Variants in HSPA14 observed in about 807,000 individuals in gnomAD.
HSPA14 encodes heat shock 70 kDa protein 14.
HSPA14 carries 37 observed loss-of-function variants against 65.5 expected under a neutral mutation model. That is an observed-to-expected ratio of 0.56 (90% CI 0.43 to 0.74). The LOEUF is 0.74. HSPA14 is among the 30% of genes least tolerant of loss of function. HSPA14 has a pLI of 0.00. For missense variants in HSPA14, 564 were observed against 607.6 expected (o/e 0.93, Z 0.75); for synonymous variants, 203 against 214.2 (o/e 0.95, Z 0.46).
intron 10 of HSPA14, among the ~76,000 whole-genome samples, chr10:14,862,388 T>C (rs1459385555): frequency 6.7e-6 from 1 of 149,038 alleles, no homozygotes; most frequent in Non-Finnish European, 1.5e-5. Context: ...TTTTTTTTTT[T>C]TTTTGAGACG....
chr10:14,846,515 G>T (rs1834055517), intron 3 of HSPA14: 2 of 985,214 alleles, frequency 2.0e-6, no homozygotes, highest in Admixed American at 6.2e-5. Context: ...GGAATACAGG[G>T]AGACAGTGTG....
intron 3 of HSPA14, chr10:14,845,493 G>A (rs964132187): frequency 3.1e-5 from 31 of 985,198 alleles, no homozygotes; most frequent in South Asian, 1.9e-4. Context: ...GGTGTGAGGC[G>A]GCTGGTGTGG....
chr10:14,856,662 G>T (rs192363962), intron 10 of HSPA14, among the ~76,000 whole-genome samples: 4 of 152,196 alleles, frequency 2.6e-5, no homozygotes, highest in Admixed American at 2.6e-4. Context: ...AGGAGTAGAA[G>T]ACTAGCCTTG....
intron 10 of HSPA14, among the ~76,000 whole-genome samples, chr10:14,864,932 T>A (rs1832792105): frequency 6.9e-6 from 1 of 145,052 alleles, no homozygotes; most frequent in Non-Finnish European, 1.5e-5. Flanking sequence ...TAGTTTACAG[T>A]CCCACCAACA....
rs1244198587 is a variant in HSPA14, at chr10:14,867,918, A to T, written c.1380+9A>T. On this transcript the variant is annotated intron_variant, in intron 12 of 13. Coordinates refer to ENST00000378372, the MANE Select transcript of HSPA14 (RefSeq NM_016299.4). ...AAACCAAGTTTGCACAGGTGAATAC[A>T]TAAAGTTAGACACATTAAACTGTTC... is the stretch of plus-strand genomic sequence containing the variant. The T allele has an allele frequency of 6.2e-7, 1 of 1,608,050 alleles. No individual in the cohort carries two copies. Among genetic ancestry groups the T allele is most frequent in the African/African-American group, 1.3e-5 (1 of 74,778 alleles).
chr10:14,852,732 C>G (rs971603782), intron 8 of HSPA14, among the ~76,000 whole-genome samples: 5 of 152,112 alleles, frequency 3.3e-5, no homozygotes, highest in African/African-American at 9.7e-5. Flanking sequence ...CTGCCTAGTG[C>G]AGTGTGCTTG....
At position 14,871,729 on chromosome 10, in the gene HSPA14, A is replaced by G; in HGVS notation, c.*123A>G. 5.8e-6 allele frequency: 3 copies of G among 515,654 alleles called. No homozygotes were observed. In the South Asian group the frequency reaches 9.1e-5, roughly 16 times the overall value. 31.9% of individuals were successfully genotyped at this position (515,654 alleles called of 1,614,324 possible). ...TATAAACTATGTTTTATTAAACTAC[A>G]ATATATCAGTAAGTGTTGCAACCCT... is the stretch of plus-strand genomic sequence containing the variant. On this transcript the variant is annotated 3_prime_UTR_variant, in exon 14 of 14. Transcript: ENST00000378372.
Position 14,842,207 on chromosome 10 carries a change from A to AGC in HSPA14, c.221+2051_221+2052dup, listed in dbSNP as rs960014508. The AGC allele has an allele frequency of 1.1e-5, 17 of 1,535,330 alleles. No individual in the cohort carries two copies. The Admixed American group carries it at 2.4e-4, about 21-fold the overall frequency. ...GGGAAGATCCTGGAGATATCCTGAG[A>AGC]GCACACAGAGCTTCCCCACACCTTC... On this transcript the variant is annotated intron_variant, in intron 3 of 13. Coordinates refer to ENST00000378372, the MANE Select transcript of HSPA14 (RefSeq NM_016299.4). This position sits in a 1 kb window ranked among gnomAD's most constrained non-coding sequence, Gnocchi z 5.2.
chr10:14,844,102 A>G, intron 3 of HSPA14: 3 of 1,392,500 alleles, frequency 2.2e-6, no homozygotes, highest in African/African-American at 1.5e-5. Context: ...GGGGTGACCT[A>G]ATAGAAAACG....
intron 3 of HSPA14, among the ~76,000 whole-genome samples, chr10:14,847,259 A>G (rs1307732197): frequency 6.6e-6 from 1 of 152,224 alleles, no homozygotes; most frequent in East Asian, 1.9e-4. Context: ...CCTACGCACA[A>G]CAGTATAAAT....
In HSPA14 at chr10:14,842,325, G is replaced by C; in HGVS notation, c.221+2168G>C. Reference sequence around the variant, plus strand: ...AGCAGTGCGGGCATCCGGTGGTCCAGACAGGAGACACGAACTCTTCTCTCC... The same window carrying C: ...AGCAGTGCGGGCATCCGGTGGTCCACACAGGAGACACGAACTCTTCTCTCC... On this transcript the variant is annotated intron_variant, in intron 3 of 13. Transcript: ENST00000378372. The surrounding 1 kb of genome is among the most constrained non-coding windows in gnomAD (Gnocchi z 5.2). 6.5e-7 allele frequency: 1 copy of C among 1,536,046 alleles called. No homozygotes were observed.
At chr10:14,858,872 T>C (rs913127687) in intron 10 of HSPA14, among the ~76,000 whole-genome samples, 2 of 152,232 alleles carry the variant, frequency 1.3e-5, no homozygotes, top group African/African-American at 2.4e-5. Context: ...GTCATGAGGC[T>C]GGCACTTACA....
rs75169007 is a variant in HSPA14 at position 14,847,240 on chromosome 10, G to A, written c.222-1369G>A. On this transcript the variant is annotated intron_variant, in intron 3 of 13. Coordinates refer to ENST00000378372, the MANE Select transcript of HSPA14 (RefSeq NM_016299.4). ...TCCTGGCAAATTCTCTTGTCTGGGT[G>A]GTAGACAACCTACGCACAACAGTAT... 1.9e-4 allele frequency among the ~76,000 whole-genome samples: 29 copies of A among 152,242 alleles called. No individual in the cohort carries two copies. In the East Asian group the frequency reaches 4.6e-3, roughly 24 times the overall value.
intron 4 of HSPA14, 28 bp from the exon 5 acceptor site, chr10:14,848,761 AT>A (rs1445180574): frequency 4.2e-6 from 6 of 1,434,606 alleles, no homozygotes; most frequent in Non-Finnish European, 5.8e-6. Flanking sequence ...AAAATTATTT[AT>A]TTAGCATAAT....
At chr10:14,849,918 A>G (rs910543566) in intron 6 of HSPA14, 107 bp downstream of exon 6, 1 of 661,524 alleles carries the variant, frequency 1.5e-6, no homozygotes, top group Non-Finnish European at 2.6e-6. Flanking sequence ...ATAAAATTGT[A>G]TTTGTAAATA....
intron 13 of HSPA14, 144 bp downstream of exon 13, chr10:14,870,811 C>T: frequency 1.4e-6 from 1 of 738,772 alleles, no homozygotes; most frequent in Non-Finnish European, 2.0e-6. Context: ...ACATTTTTTG[C>T]CCCCAGAATT....
At chr10:14,870,282 AG>A (rs1487560956) in intron 12 of HSPA14, among the ~76,000 whole-genome samples, 1 of 152,226 alleles carries the variant, frequency 6.6e-6, no homozygotes, top group East Asian at 1.9e-4. Context: ...TTACCAAAAA[AG>A]AAAAGTAGCC....
At chr10:14,851,755 C>T (rs1447965562) in intron 7 of HSPA14, among the ~76,000 whole-genome samples, 1 of 152,164 alleles carries the variant, frequency 6.6e-6, no homozygotes, top group Admixed American at 6.5e-5. Flanking sequence ...ACATACTTAT[C>T]CCTAATATAG....
intron 12 of HSPA14, among the ~76,000 whole-genome samples, chr10:14,869,231 ACGTG>A (rs1310375302): frequency 8.0e-5 from 10 of 125,786 alleles, no homozygotes; most frequent in African/African-American, 3.5e-4. Flanking sequence ...GTGTACGTGT[ACGTG>A]TGTGTGTGTG....
Sources: gnomAD v4.1 joint callset for allele counts (sites outside exome capture counted in the v4.1 genomes callset) on GRCh38, gnomAD v4.1.1 for gene constraint, Gnocchi (gnomAD v3.1) non-coding constraint, MANE v1.5 for transcripts, NCBI Gene and HGNC (gene_info 2026-07-23, HGNC 2026-07-21) for gene names.